Variants in TANGO2 observed in about 807,000 individuals in gnomAD.
TANGO2 encodes the protein transport and Golgi organization protein 2 homolog.
A neutral mutation model predicts 39.1 loss-of-function variants in TANGO2; 26 were observed. The observed-to-expected ratio is 0.67, with a 90% CI of 0.49 to 0.92. The LOEUF (loss-of-function observed/expected upper bound fraction) is 0.92. Among genes scored for constraint, TANGO2 ranks in the 40% least tolerant of loss-of-function variants. The pLI, the probability that TANGO2 is intolerant of heterozygous loss-of-function variation, is 0.00. For missense variants in TANGO2, 326 were observed against 360.1 expected, an observed-to-expected ratio of 0.91 and a Z score of 0.77; for synonymous variants, 131 against 144.5, an observed-to-expected ratio of 0.91 and a Z score of 0.67.
At chr22:20,056,600 G>A in intron 6 of TANGO2, 1 of 456,662 alleles carries the variant, frequency 2.2e-6, no homozygotes, top group Non-Finnish European at 4.4e-6. Context: ...CCCTCCTCGG[G>A]TGCTGCGATT....
intron 5 of TANGO2, chr22:20,054,528 T>C (rs1197754450): frequency 6.6e-6 from 1 of 152,264 alleles, no homozygotes; most frequent in Non-Finnish European, 1.5e-5. Flanking sequence ...CTTGAGCAGA[T>C]ACACGGGCTC....
chr22:20,017,490 C>T (rs1338806668), upstream of TANGO2, among the ~76,000 whole-genome samples: 2 of 152,114 alleles, frequency 1.3e-5, no homozygotes, highest in Admixed American at 1.3e-4. Flanking sequence ...AGGGGCTCAC[C>T]TCCCCCACCA....
intron 1 of TANGO2, among the ~76,000 whole-genome samples, chr22:20,032,324 T>C (rs1488326888): frequency 6.6e-6 from 1 of 152,280 alleles, no homozygotes; most frequent in Non-Finnish European, 1.5e-5. Context: ...CTGGTGGTTG[T>C]GTGCAGGCTG....
At chr22:20,036,681 G>A in intron 1 of TANGO2, 79 bp from the exon 2 acceptor site, 1 of 1,231,992 alleles carries the variant, frequency 8.1e-7, no homozygotes, top group Middle Eastern at 2.0e-4. Context: ...GGTTCTCTCT[G>A]TTCTGGCCTG....
At position 20,057,023 on chromosome 22, in the gene TANGO2, C is replaced by T. The variant is rs1490939321; in HGVS notation, c.451+1010C>T. The T allele has an allele frequency of 2.2e-6, 1 of 449,266 alleles. No homozygotes were observed. The highest frequency in any genetic ancestry group is 2.4e-5 in the Admixed American group (1 of 41,698). 27.8% of individuals were successfully genotyped at this position (449,266 alleles called of 1,614,324 possible). On this transcript the variant is annotated intron_variant, in intron 6 of 8. Transcript: ENST00000327374. The surrounding 1 kb of genome is among the most constrained non-coding windows in gnomAD (Gnocchi z 4.1). ...CCCCTGGCTCCTCTGAAGCTCCATG[C>T]CCACGTCACACAGACTTTCTTTTGC...
chr22:20,041,449 A>G (rs910255328), intron 2 of TANGO2, among the ~76,000 whole-genome samples: 1 of 151,772 alleles, frequency 6.6e-6, no homozygotes, highest in African/African-American at 2.4e-5. Context: ...AGTAGCTGGG[A>G]CTACAGGCGC....
intron 6 of TANGO2, among the ~76,000 whole-genome samples, chr22:20,060,208 G>T (rs979501759): frequency 6.6e-6 from 1 of 152,028 alleles, no homozygotes; most frequent in Non-Finnish European, 1.5e-5. Context: ...AATTATCCAG[G>T]CGTGGTGGCG....
Position 20,053,480 on chromosome 22 carries a change from G to C in TANGO2, c.309G>C (p.Leu103Phe), listed in dbSNP as rs2046778619. 1 of 1,613,916 alleles carries C rather than the reference G, an allele frequency of 6.2e-7. No individual in the cohort carries two copies. The highest frequency in any genetic ancestry group is 8.5e-7 in the Non-Finnish European group (1 of 1,179,898). Residue 103 changes from leucine (L) to phenylalanine (F), a missense_variant, in exon 5 of 9, where the codon TTG (leucine) becomes TTC (phenylalanine). Transcript: ENST00000327374. Reference sequence around the variant, plus strand: ...TTCTGACCACTGACGTGGACAGCTTGTCCTACCTGAAGAAGGTCTCTATGG... The same window carrying C: ...TTCTGACCACTGACGTGGACAGCTTCTCCTACCTGAAGAAGGTCTCTATGG... ...THFLTTDVDS[L>F]SYLKKVSMEG...
In TANGO2 at chr22:20,044,408, C is replaced by T. The variant is rs150422093; in HGVS notation, c.145+965C>T. On this transcript the variant is annotated intron_variant, in intron 3 of 8. Coordinates refer to ENST00000327374, the MANE Select transcript of TANGO2 (RefSeq NM_152906.7). ...AGGCGTGGTGGCATGTGCCTGTGGC[C>T]CCAGCTACTCAGGAGGCTGAGGCTA... Among the ~76,000 whole-genome samples the T allele has an allele frequency of 7.2e-4, 109 of 152,278 alleles. 1 individual carries two copies. The East Asian group carries it at 0.02, about 28-fold the overall frequency.
At chr22:20,040,043 G>A (rs1226239815) in intron 2 of TANGO2, among the ~76,000 whole-genome samples, 1 of 152,134 alleles carries the variant, frequency 6.6e-6, no homozygotes, top group East Asian at 1.9e-4. Flanking sequence ...GACGTGGGGC[G>A]CAGATAGGCT....
At chr22:20,047,805 A>G (rs998734156) in intron 3 of TANGO2, among the ~76,000 whole-genome samples, 3 of 152,120 alleles carry the variant, frequency 2.0e-5, no homozygotes, top group African/African-American at 7.2e-5. Context: ...ATCTTGAATT[A>G]TAGTTCCCCA....
chr22:20,041,239 CG>C (rs747575170), intron 2 of TANGO2, among the ~76,000 whole-genome samples: 15 of 152,158 alleles, frequency 9.9e-5, no homozygotes, highest in Non-Finnish European at 2.1e-4. Context: ...CTCCGCCTCC[CG>C]GGTTCAAGCA....
intron 2 of TANGO2, 74 bp downstream of exon 2, chr22:20,036,928 CTGCTGTG>C: frequency 6.2e-7 from 1 of 1,614,078 alleles, no homozygotes; most frequent in Non-Finnish European, 8.5e-7. Context: ...GCCACCCAAG[CTGCTGTG>C]TGCAGGAAGG....
intron 3 of TANGO2, among the ~76,000 whole-genome samples, chr22:20,047,426 G>T (rs935394220): frequency 1.3e-5 from 2 of 151,890 alleles, no homozygotes; most frequent in East Asian, 1.9e-4. Flanking sequence ...GTAGAGACGG[G>T]GTTTCACCAT....
At chr22:20,039,726 C>T (rs905645043) in intron 2 of TANGO2, among the ~76,000 whole-genome samples, 1 of 152,108 alleles carries the variant, frequency 6.6e-6, no homozygotes, top group African/African-American at 2.4e-5. Flanking sequence ...CAAGCTGTTA[C>T]TCCATGGGAC....
chr22:20,025,170 C>T (rs1010590297), intron 1 of TANGO2, among the ~76,000 whole-genome samples: 9 of 150,006 alleles, frequency 6.0e-5, no homozygotes, highest in Non-Finnish European at 1.2e-4. Context: ...CGTGCCACTG[C>T]AACCTCTGCC....
In TANGO2 at chr22:20,065,061, CAT is replaced by C. The variant is rs895676786; in HGVS notation, c.*400_*401del. 7.8e-5 allele frequency: 17 copies of C among 218,218 alleles called. No individual in the cohort carries two copies. The highest frequency in any genetic ancestry group is 6.8e-4 in the East Asian group (6 of 8,880). 13.5% of individuals were successfully genotyped at this position (218,218 alleles called of 1,614,324 possible). A position where few individuals can be genotyped will look rare whatever the true frequency, so the allele number is the denominator to read the frequency against. The stretch of plus-strand genomic sequence containing the variant: ...CATGTACGTGCACAGGTGTGCTACA[CAT>C]GTGCACACATGCACAGTTGCACAGA... On this transcript the variant is annotated 3_prime_UTR_variant, in exon 9 of 9. Transcript: ENST00000327374.
intron 3 of TANGO2, among the ~76,000 whole-genome samples, chr22:20,049,401 C>G: frequency 6.6e-6 from 1 of 152,180 alleles, no homozygotes; most frequent in Non-Finnish European, 1.5e-5. Context: ...TGGCTCACAC[C>G]TGTAATCCCA....
At chr22:20,017,293 G>C (rs1945256091), upstream of TANGO2, 1 of 152,284 alleles carries the variant, frequency 6.6e-6, no homozygotes, top group African/African-American at 2.4e-5. Context: ...AGAGAGTTCT[G>C]CTGCTATCCC....
Sources: allele counts gnomAD v4.1 joint callset (sites outside exome capture counted in the v4.1 genomes callset), GRCh38; gene constraint gnomAD v4.1.1; non-coding constraint Gnocchi (gnomAD v3.1); transcripts MANE v1.5; gene names NCBI Gene and HGNC (gene_info 2026-07-23, HGNC 2026-07-21).